OCA2: variants seen among roughly 807,000 people sequenced by gnomAD.
The protein encoded by OCA2 is OCA2 melanosomal transmembrane protein.
OCA2 carries 77 observed loss-of-function variants against 100.2 expected under a neutral mutation model. That is an observed-to-expected ratio of 0.77 (90% CI 0.64 to 0.93). The LOEUF (loss-of-function observed/expected upper bound fraction) is 0.93. OCA2 is among the 40% of genes least tolerant of loss of function. The pLI is 0.00. For missense variants in OCA2, 1,062 were observed against 1,089.1 expected (o/e 0.98, Z 0.35); for synonymous variants, 432 against 439.2 (o/e 0.98, Z 0.21).
At chr15:27,942,767 G>T (rs555050446) in intron 18 of OCA2, among the ~76,000 whole-genome samples, 20 of 152,228 alleles carry the variant, frequency 1.3e-4, no homozygotes, top group African/African-American at 4.8e-4. Context: ...TACCCACGGT[G>T]AGGATAGTAA....
At chr15:27,907,767 T>C (rs545452891) in intron 19 of OCA2, among the ~76,000 whole-genome samples, 7 of 152,334 alleles carry the variant, frequency 4.6e-5, no homozygotes, top group South Asian at 4.1e-4. Flanking sequence ...GTGAAATGGA[T>C]AGTTCCCTAG....
chr15:27,956,033 A>G (rs1159260206), intron 16 of OCA2, among the ~76,000 whole-genome samples: 1 of 152,212 alleles, frequency 6.6e-6, no homozygotes, highest in African/African-American at 2.4e-5. Context: ...TCTGAGGACA[A>G]TTTTTAAAAA....
chr15:27,964,230 T>C (rs1411135407), intron 15 of OCA2, among the ~76,000 whole-genome samples: 1 of 152,228 alleles, frequency 6.6e-6, no homozygotes, highest in Non-Finnish European at 1.5e-5. Flanking sequence ...AATATTTCCA[T>C]ATTCCTCCTA....
intron 2 of OCA2, among the ~76,000 whole-genome samples, chr15:28,057,828 C>A (rs1298017314): frequency 6.6e-6 from 1 of 152,182 alleles, no homozygotes; most frequent in African/African-American, 2.4e-5. Flanking sequence ...GATTTGTACT[C>A]AGAAAACTCA....
downstream of OCA2, among the ~76,000 whole-genome samples, chr15:27,753,938 C>T (rs2030167137): frequency 1.3e-5 from 2 of 151,836 alleles, no homozygotes; most frequent in Non-Finnish European, 2.9e-5. Flanking sequence ...CCAGTGCTGT[C>T]CCCAGCCATC....
At chr15:27,735,724 GAAAAAAACAAAACAAAAAAAC>G in the OCA2 span, among the ~76,000 whole-genome samples, 1 of 151,080 alleles carries the variant, frequency 6.6e-6, no homozygotes, top group Non-Finnish European at 1.5e-5. Flanking sequence ...AGTACTGAAG[GAAAAAAACAAAACAAAAAAAC>G]AAAAAAACAA....
chr15:27,792,634 G>A (rs2033139659), intron 23 of OCA2, among the ~76,000 whole-genome samples: 2 of 152,196 alleles, frequency 1.3e-5, no homozygotes, highest in South Asian at 4.1e-4. Context: ...GTTAGCATCT[G>A]TGGCTTCTCA....
chr15:28,051,178 A>G (rs1197647822), intron 2 of OCA2, among the ~76,000 whole-genome samples: 1 of 152,234 alleles, frequency 6.6e-6, no homozygotes, highest in African/African-American at 2.4e-5. Flanking sequence ...GCTGGCCTCA[A>G]AAGGACATCC....
rs534390605 is a variant in OCA2 at position 27,960,239 on chromosome 15, A to G, written c.1637-2504T>C. 8.5e-5 allele frequency among the ~76,000 whole-genome samples: 13 copies of G among 152,324 alleles called. No individual in the cohort carries two copies. In the South Asian group the frequency reaches 2.5e-3, roughly 29 times the overall value. On this transcript the variant is annotated intron_variant, in intron 15 of 23. Transcript: ENST00000354638. ...CTGAAATGTCATCCTGGTCTTGTCA[A>G]TGTCATTCTCTTTTATATTTCCACA...
the OCA2 span, among the ~76,000 whole-genome samples, chr15:27,742,291 C>T: frequency 6.6e-6 from 1 of 152,208 alleles, no homozygotes; most frequent in African/African-American, 2.4e-5. Context: ...CATCATTCCC[C>T]AGTGCTCTAA....
intron 3 of OCA2, among the ~76,000 whole-genome samples, chr15:28,029,733 A>G (rs991224643): frequency 6.2e-5 from 9 of 144,778 alleles, no homozygotes; most frequent in African/African-American, 2.6e-4. Flanking sequence ...CTGAAAATAT[A>G]TAAATCAATG....
chr15:27,929,798 A>T (rs1333731322), intron 18 of OCA2, among the ~76,000 whole-genome samples: 1 of 83,340 alleles, frequency 1.2e-5, no homozygotes, highest in Non-Finnish European at 3.0e-5. Flanking sequence ...CAAATTCAAC[A>T]AGTAAACAAC....
intron 23 of OCA2, among the ~76,000 whole-genome samples, chr15:27,802,846 T>C (rs965133043): frequency 6.6e-6 from 1 of 152,118 alleles, no homozygotes; most frequent in Non-Finnish European, 1.5e-5. Flanking sequence ...GAAAATCTTT[T>C]TGACCCCAGG....
In OCA2 at chr15:27,787,715, T is replaced by G. The variant is rs796948117; in HGVS notation, c.2433-32243A>C. Among the ~76,000 whole-genome samples the G allele has an allele frequency of 2.0e-4, 30 of 152,096 alleles. 1 individual carries two copies. The highest frequency in any genetic ancestry group is 6.7e-4 in the African/African-American group (28 of 41,568). On this transcript the variant is annotated intron_variant, in intron 23 of 23. Coordinates refer to ENST00000354638, the MANE Select transcript of OCA2 (RefSeq NM_000275.3). ...ATTTGGGTTTCATTGATTTTCTCTA[T>G]TATTTTCAATATTATATTTTCCCTA... is the stretch of plus-strand genomic sequence containing the variant.
chr15:28,087,479 T>G (rs2044795644), intron 1 of OCA2, among the ~76,000 whole-genome samples: 2 of 152,134 alleles, frequency 1.3e-5, no homozygotes, highest in Non-Finnish European at 2.9e-5. Flanking sequence ...GGCATGGTGG[T>G]TCACGCCTAT....
chr15:28,078,576 C>T (rs1241567066), intron 2 of OCA2, among the ~76,000 whole-genome samples: 3 of 152,192 alleles, frequency 2.0e-5, no homozygotes, highest in Non-Finnish European at 4.4e-5. Context: ...TCCAACAGCC[C>T]AGGAAGAACC....
intron 2 of OCA2, among the ~76,000 whole-genome samples, chr15:28,058,764 A>G (rs995014374): frequency 2.6e-5 from 4 of 152,258 alleles, no homozygotes; most frequent in African/African-American, 9.6e-5. Context: ...CAAAATAGCT[A>G]TGAACAGCTC....
chr15:27,794,260 G>C (rs1036271060), intron 23 of OCA2, among the ~76,000 whole-genome samples: 1 of 152,154 alleles, frequency 6.6e-6, no homozygotes, highest in Non-Finnish European at 1.5e-5. Flanking sequence ...GCCCTGGTGT[G>C]GGTCGTGGCT....
chr15:28,085,261 C>T (rs1027628159), intron 1 of OCA2, among the ~76,000 whole-genome samples: 3 of 152,204 alleles, frequency 2.0e-5, no homozygotes, highest in Non-Finnish European at 2.9e-5. Flanking sequence ...CCCACACACC[C>T]TTCCCCCTTT....
Sources: allele counts gnomAD v4.1 joint callset (sites outside exome capture counted in the v4.1 genomes callset), GRCh38; gene constraint gnomAD v4.1.1; transcripts MANE v1.5; gene names NCBI Gene and HGNC (gene_info 2026-07-23, HGNC 2026-07-21).